P2RX6: variants seen among roughly 807,000 people sequenced by gnomAD.
The protein encoded by P2RX6 is purinergic receptor P2X 6, also known as P2X purinoceptor 6.
P2RX6 carries 62 observed loss-of-function variants against 54.2 expected under a neutral mutation model. The ratio of observed to expected loss-of-function variants is 1.14; its 90% confidence interval spans 0.93 to 1.41. The LOEUF is 1.41. P2RX6 is among the 40% of genes most tolerant of loss of function. P2RX6 has a pLI of 0.00. For synonymous variants in P2RX6, 211 were observed against 231.9 expected (o/e 0.91, Z 0.82); for missense variants, 541 against 566.3 (o/e 0.96, Z 0.45).
intron 2 of P2RX6, 157 bp from the exon 3 acceptor site, chr22:21,017,832 G>A: frequency 2.9e-6 from 2 of 699,096 alleles, no homozygotes; most frequent in African/African-American, 1.8e-5. Flanking sequence ...CAGAACCACT[G>A]CCAGCCTCCC....
At chr22:21,011,313 T>A, upstream of P2RX6, 1 of 588,886 alleles carries the variant, frequency 1.7e-6, no homozygotes, top group Non-Finnish European at 3.1e-6. Flanking sequence ...AGCGCGGTCC[T>A]GCCAACCCCC....
chr22:21,023,876 T>C (rs1465508948), intron 8 of P2RX6, among the ~76,000 whole-genome samples: 1 of 151,726 alleles, frequency 6.6e-6, no homozygotes, highest in Non-Finnish European at 1.5e-5. Flanking sequence ...CAGCCCTTCC[T>C]CCACCCCACC....
At position 21,026,569 on chromosome 22, in the gene P2RX6, C is replaced by T; in HGVS notation, c.1278C>T (p.Pro426=). 6.3e-7 allele frequency: 1 copy of T among 1,591,058 alleles called. No homozygotes were observed. Among genetic ancestry groups the T allele is most frequent in the Non-Finnish European group, 8.5e-7 (1 of 1,169,778 alleles). The change falls in exon 12 of 12, where the codon CCC becomes CCT. Residue 426 remains proline, a synonymous_variant. Coordinates refer to ENST00000413302, the MANE Select transcript of P2RX6 (RefSeq NM_005446.5). This position sits in a 1 kb window ranked among gnomAD's most constrained non-coding sequence, Gnocchi z 4.0. ...GTCAGACACAGACACCAGGATGGCCCTGTCCAAGTTCTGACACCCACTTGC... is the reference window on the plus strand; with the variant it reads ...GTCAGACACAGACACCAGGATGGCCTTGTCCAAGTTCTGACACCCACTTGC... ...AGSQTQTPGW[P]CPSSDTHLPT...
chr22:21,012,655 C>T (rs751358689), upstream of P2RX6: 11 of 525,942 alleles, frequency 2.1e-5, no homozygotes, highest in Admixed American at 1.1e-4. Context: ...CAGAGACCGG[C>T]GCCCTGGGAC....
chr22:21,023,117 G>A lies in P2RX6; in HGVS notation c.558-1G>A, dbSNP rs1234603601. The A allele has an allele frequency of 1.2e-6, 2 of 1,613,908 alleles. No individual in the cohort carries two copies. Among genetic ancestry groups the A allele is most frequent in the East Asian group, 2.2e-5 (1 of 44,878 alleles). On this transcript the variant is annotated splice_acceptor_variant, in intron 5 of 11. Coordinates refer to ENST00000413302, the MANE Select transcript of P2RX6 (RefSeq NM_005446.5). LOFTEE classifies it high-confidence loss of function. Reference sequence around the variant, plus strand: ...GGCTGTCACCTCCCTTCCACCTGCAGGAGGCCCCTGCTGGCCCAGGCCCAG... The same window carrying A: ...GGCTGTCACCTCCCTTCCACCTGCAAGAGGCCCCTGCTGGCCCAGGCCCAG...
At chr22:21,022,782 C>T (rs9613540) in intron 4 of P2RX6, 31 bp downstream of exon 4, 358,200 of 1,538,026 alleles carry the variant, frequency 0.23, 44,594 homozygotes, top group Non-Finnish European at 0.26. Flanking sequence ...CCAGTGCCCC[C>T]AGCAGGGTGG....
At chr22:21,012,350 C>T (rs991058046), upstream of P2RX6, among the ~76,000 whole-genome samples, 2 of 152,168 alleles carry the variant, frequency 1.3e-5, no homozygotes, top group Non-Finnish European at 2.9e-5. Flanking sequence ...GCATCAGCTG[C>T]ACAGCAGAGG....
intron 1 of P2RX6, 88 bp from the exon 2 acceptor site, chr22:21,015,854 G>T (rs534895800): frequency 4.4e-6 from 6 of 1,366,154 alleles, no homozygotes; most frequent in African/African-American, 4.4e-5. Flanking sequence ...TGTAGGGTGT[G>T]GGGGGAGAAC....
At chr22:21,012,023 C>T (rs1303356095), upstream of P2RX6, among the ~76,000 whole-genome samples, 1 of 152,206 alleles carries the variant, frequency 6.6e-6, no homozygotes, top group Non-Finnish European at 1.5e-5. Flanking sequence ...GTGCATTTCA[C>T]TTCATGCTCA....
chr22:21,026,929 G>GT lies in P2RX6; in HGVS notation c.*313dup. The GT allele has an allele frequency of 2.2e-6, 1 of 452,870 alleles. No individual in the cohort carries two copies. Among genetic ancestry groups the GT allele is most frequent in the South Asian group, 2.7e-5 (1 of 36,452 alleles). 28.1% of individuals were successfully genotyped at this position (452,870 alleles called of 1,614,324 possible). A position where few individuals can be genotyped will look rare whatever the true frequency, so the allele number is the denominator to read the frequency against. On this transcript the variant is annotated 3_prime_UTR_variant, in exon 12 of 12. Transcript: ENST00000413302. This position sits in a 1 kb window ranked among gnomAD's most constrained non-coding sequence, Gnocchi z 4.0. ...TCTGGGCCTGGAGGTCTCTCTCCCAGTGCTCTGTCCCCAGTGTTCCTAGCA... is the reference window on the plus strand; with the variant it reads ...TCTGGGCCTGGAGGTCTCTCTCCCAGTTGCTCTGTCCCCAGTGTTCCTAGCA...
At chr22:21,024,555 C>T (rs1330345305) in intron 8 of P2RX6, among the ~76,000 whole-genome samples, 1 of 151,860 alleles carries the variant, frequency 6.6e-6, no homozygotes, top group East Asian at 1.9e-4. Flanking sequence ...GGATTACAGG[C>T]GTGAGCCACC....
At chr22:21,011,884 G>A (rs1361231648), upstream of P2RX6, among the ~76,000 whole-genome samples, 3 of 152,188 alleles carry the variant, frequency 2.0e-5, no homozygotes, top group Non-Finnish European at 2.9e-5. Flanking sequence ...CAATGATTAT[G>A]TCTGGCAGTG....
Position 21,015,927 on chromosome 22 carries a change from A to G in P2RX6, c.165-15A>G, listed in dbSNP as rs147774322. 15 of 1,549,178 alleles carry G rather than the reference A, an allele frequency of 9.7e-6. No individual in the cohort carries two copies. Among genetic ancestry groups the G allele is most frequent in the African/African-American group, 1.4e-5 (1 of 73,018 alleles). On this transcript the variant is annotated splice_polypyrimidine_tract_variant and intron_variant, in intron 1 of 11. Transcript: ENST00000413302. ...CGCTGGGGACACACCACACTGCCCGACTTCTCCTCCCCAGGTGGGCTCTCC... is the reference window on the plus strand; with the variant it reads ...CGCTGGGGACACACCACACTGCCCGGCTTCTCCTCCCCAGGTGGGCTCTCC...
At chr22:21,015,044 G>A (rs1926091346), upstream of P2RX6, 3 of 555,894 alleles carry the variant, frequency 5.4e-6, no homozygotes, top group Non-Finnish European at 9.2e-6. Context: ...TAGGGGTTGA[G>A]GGCTGGGTGT....
chr22:21,012,484 G>T, upstream of P2RX6: 1 of 515,432 alleles, frequency 1.9e-6, no homozygotes, highest in South Asian at 1.8e-5. Flanking sequence ...CTGAGGAAAG[G>T]GAGGACTCAC....
Position 21,021,779 on chromosome 22 carries a change from C to A in P2RX6, c.388-897C>A, listed in dbSNP as rs549129963. ...ACCCCAGAAAGCTCACCTGTCCTCCCCTTCTGCCAGAGCCCCATAGTCCTA... is the reference window on the plus strand; with the variant it reads ...ACCCCAGAAAGCTCACCTGTCCTCCACTTCTGCCAGAGCCCCATAGTCCTA... On this transcript the variant is annotated intron_variant, in intron 3 of 11. Transcript: ENST00000413302. 4.6e-5 allele frequency among the ~76,000 whole-genome samples: 7 copies of A among 152,224 alleles called. No individual in the cohort carries two copies. In the East Asian group the frequency reaches 1.4e-3, roughly 30 times the overall value.
chr22:21,022,901 G>A, intron 4 of P2RX6, 41 bp from the exon 5 acceptor site: 2 of 1,564,416 alleles, frequency 1.3e-6, no homozygotes, highest in Non-Finnish European at 1.8e-6. Flanking sequence ...CCCCAGGCCT[G>A]CAGAGATTTG....
chr22:21,025,706 T>G, intron 8 of P2RX6, 99 bp from the exon 9 acceptor site: 4 of 821,088 alleles, frequency 4.9e-6, no homozygotes, highest in Non-Finnish European at 8.0e-6. Flanking sequence ...GGCTGGGGGT[T>G]TATAGAGTCA....
At chr22:21,015,127 C>G (rs1332547282), upstream of P2RX6, 10 of 1,260,374 alleles carry the variant, frequency 7.9e-6, no homozygotes, top group Admixed American at 1.2e-4. Context: ...TGGCTCGGGC[C>G]CTGCTTTGCC....
Sources: gnomAD v4.1 joint callset for allele counts (sites outside exome capture counted in the v4.1 genomes callset) on GRCh38, gnomAD v4.1.1 for gene constraint, Gnocchi (gnomAD v3.1) non-coding constraint, MANE v1.5 for transcripts, NCBI Gene and HGNC (gene_info 2026-07-23, HGNC 2026-07-21) for gene names.